Variants in UBE2F observed in about 807,000 individuals in gnomAD.
UBE2F encodes ubiquitin conjugating enzyme E2 F (putative), also known as NEDD8-conjugating enzyme UBE2F.
Under a neutral mutation model 29.6 loss-of-function variants are expected in UBE2F, and 5 were observed. The ratio of observed to expected loss-of-function variants is 0.17; its 90% CI spans 0.09 to 0.36. UBE2F has a LOEUF of 0.36. Ranked by LOEUF, UBE2F falls within the 10% of genes least tolerant of loss-of-function variation. The probability of loss-of-function intolerance (pLI) is 1.00; values close to 1 mark genes in which losing one functional copy is unlikely to be tolerated. For synonymous variants in UBE2F, 66 were observed against 81.8 expected, an observed-to-expected ratio of 0.81 and a Z score of 1.04; for missense variants, 141 against 228.5, an observed-to-expected ratio of 0.62 and a Z score of 2.47.
intron 4 of UBE2F, chr2:238,003,318 T>G (rs544858732): frequency 2.1e-6 from 1 of 470,206 alleles, no homozygotes; most frequent in Non-Finnish European, 4.4e-6. Flanking sequence ...AAGCATTCTC[T>G]TAACTTTCAT....
intron 8 of UBE2F, among the ~76,000 whole-genome samples, chr2:238,034,893 C>CT (rs1048105036): frequency 7.0e-4 from 102 of 145,068 alleles, no homozygotes; most frequent in South Asian, 6.6e-4. Context: ...CTGATTTTTT[C>CT]TTTTTTTTTT....
Position 237,982,015 on chromosome 2 carries a change from A to G in UBE2F, c.119-5948A>G, listed in dbSNP as rs2063389038. Among the ~76,000 whole-genome samples, 3 of 152,220 alleles carry G rather than the reference A, an allele frequency of 2.0e-5. No individual in the cohort carries two copies. The South Asian group carries it at 6.2e-4, about 32-fold the overall frequency. On this transcript the variant is annotated intron_variant, in intron 2 of 9. Coordinates refer to ENST00000272930, the MANE Select transcript of UBE2F (RefSeq NM_080678.3). This position sits in a 1 kb window ranked among gnomAD's most constrained non-coding sequence, Gnocchi z 4.1. ...GGGGCATTAGGAGTTTTAAAAGCTC[A>G]GCAGGTACTGGATTGTGGTAATGGA... is the stretch of plus-strand genomic sequence containing the variant.
chr2:238,022,030 C>T (rs1576630761), intron 5 of UBE2F, among the ~76,000 whole-genome samples: 1 of 152,204 alleles, frequency 6.6e-6, no homozygotes, highest in Admixed American at 6.5e-5. Context: ...TTGGCATCCT[C>T]ACCATCCATG....
At chr2:238,035,769 T>C in intron 8 of UBE2F, 109 bp from the exon 9 acceptor site, 1 of 782,208 alleles carries the variant, frequency 1.3e-6, no homozygotes, top group Non-Finnish European at 2.1e-6. Flanking sequence ...CTCTCCAGTT[T>C]GGTCTGCCAT....
In UBE2F at chr2:238,033,083, G is replaced by T. The variant is rs369443621; in HGVS notation, c.444+829G>T. Among the ~76,000 whole-genome samples, 156 of 152,344 alleles carry T rather than the reference G, an allele frequency of 1.0e-3. 1 individual carries two copies. The highest frequency in any genetic ancestry group is 3.7e-3 in the African/African-American group (155 of 41,582). ...CCTGTGGCTACACTAGCCAGCCCAG[G>T]GAGTGGCCCTGTCACCTCCCAGGTG... On this transcript the variant is annotated intron_variant, in intron 8 of 9. Coordinates refer to ENST00000272930, the MANE Select transcript of UBE2F (RefSeq NM_080678.3).
At chr2:238,032,362 C>A in intron 8 of UBE2F, 108 bp downstream of exon 8, 3 of 1,013,318 alleles carry the variant, frequency 3.0e-6, no homozygotes, top group Non-Finnish European at 4.5e-6. Context: ...AAAAATGAAA[C>A]ATGGACTGGG....
chr2:237,998,759 C>G (rs1000284078), intron 4 of UBE2F, among the ~76,000 whole-genome samples: 1 of 152,024 alleles, frequency 6.6e-6, no homozygotes, highest in Non-Finnish European at 1.5e-5. Context: ...ATACCCTGAC[C>G]AGCACTGTAT....
rs2064813672 is a variant in UBE2F at position 238,040,392 on chromosome 2, C to T, written c.508-896C>T. Among the ~76,000 whole-genome samples, 6 of 152,176 alleles carry T rather than the reference C, an allele frequency of 3.9e-5. No homozygotes were observed. Among genetic ancestry groups the T allele is most frequent in the Admixed American group, 3.9e-4 (6 of 15,270 alleles). On this transcript the variant is annotated intron_variant, in intron 9 of 9. Coordinates refer to ENST00000272930, the MANE Select transcript of UBE2F (RefSeq NM_080678.3). This position sits in a 1 kb window ranked among gnomAD's most constrained non-coding sequence, Gnocchi z 4.4. Reference sequence around the variant, plus strand: ...TTAGACTGAGGCTTAGACAGGAGGACTGAGGCTTAGCTAAGGAAATGGAGC... The same window carrying T: ...TTAGACTGAGGCTTAGACAGGAGGATTGAGGCTTAGCTAAGGAAATGGAGC...
intron 3 of UBE2F, among the ~76,000 whole-genome samples, chr2:237,991,008 T>G (rs913293966): frequency 3.9e-5 from 6 of 152,058 alleles, no homozygotes; most frequent in African/African-American, 1.2e-4. Flanking sequence ...AGATTGTTGG[T>G]TTTTAACCCA....
At chr2:237,972,167 C>T (rs74524922) in intron 1 of UBE2F, among the ~76,000 whole-genome samples, 2,592 of 152,278 alleles carry the variant, frequency 0.017, 70 homozygotes, top group African/African-American at 0.059. Flanking sequence ...ATAAATAAAA[C>T]ACAAATGTAA....
At chr2:238,031,443 C>T (rs936929416) in intron 7 of UBE2F, among the ~76,000 whole-genome samples, 2 of 152,212 alleles carry the variant, frequency 1.3e-5, no homozygotes, top group Non-Finnish European at 2.9e-5. Flanking sequence ...GAGGGCTCAC[C>T]TTCACCCACA....
At chr2:237,985,008 A>T (rs2063452716) in intron 2 of UBE2F, among the ~76,000 whole-genome samples, 1 of 151,730 alleles carries the variant, frequency 6.6e-6, no homozygotes, top group African/African-American at 2.4e-5. Context: ...AAAAAAAAAA[A>T]AAAAAATAGA....
At chr2:237,980,540 A>G (rs1318971847) in intron 2 of UBE2F, among the ~76,000 whole-genome samples, 1 of 152,070 alleles carries the variant, frequency 6.6e-6, no homozygotes, top group Admixed American at 6.5e-5. Flanking sequence ...ATCTAAACCT[A>G]ATTACCTCCA....
At chr2:238,030,683 C>T (rs896095832) in intron 7 of UBE2F, 70 bp downstream of exon 7, 19 of 1,197,312 alleles carry the variant, frequency 1.6e-5, no homozygotes, top group East Asian at 1.2e-4. Flanking sequence ...GCCAGCCTCC[C>T]GAGAAAGCAG....
chr2:238,009,610 G>A (rs918562023), intron 4 of UBE2F, among the ~76,000 whole-genome samples: 11 of 152,124 alleles, frequency 7.2e-5, no homozygotes, highest in African/African-American at 2.4e-4. Flanking sequence ...CTAAGTCTCA[G>A]CATCTCTATA....
chr2:237,976,499 T>TA (rs2063284592), intron 2 of UBE2F, among the ~76,000 whole-genome samples: 1 of 152,176 alleles, frequency 6.6e-6, no homozygotes, highest in African/African-American at 2.4e-5. Flanking sequence ...TTATAAACAA[T>TA]AGAGTTTTGG....
At chr2:237,975,983 G>A (rs566319495) in intron 2 of UBE2F, among the ~76,000 whole-genome samples, 1 of 152,128 alleles carries the variant, frequency 6.6e-6, no homozygotes, top group South Asian at 2.1e-4. Context: ...TTTGGACTTA[G>A]TTTTGGATTA....
rs1004226342 is a variant in UBE2F, at chr2:237,988,548, G to A, written c.148+556G>A. On this transcript the variant is annotated intron_variant, in intron 3 of 9. Coordinates refer to ENST00000272930, the MANE Select transcript of UBE2F (RefSeq NM_080678.3). ...TTAGAGTCGCTTGAACCCAAGAGGC[G>A]GAGGTTGCAGTGAGCCAAGATTGCG... Among the ~76,000 whole-genome samples the A allele has an allele frequency of 2.6e-5, 4 of 151,520 alleles. No individual in the cohort carries two copies. The South Asian group carries it at 6.3e-4, about 24-fold the overall frequency.
intron 2 of UBE2F, among the ~76,000 whole-genome samples, chr2:237,978,580 C>A (rs548897371): frequency 5.9e-5 from 9 of 152,318 alleles, no homozygotes; most frequent in African/African-American, 2.2e-4. Flanking sequence ...AAGGGCTCCC[C>A]GCTCAGCCAC....
Sources: gnomAD v4.1 joint callset for allele counts (sites outside exome capture counted in the v4.1 genomes callset) on GRCh38, gnomAD v4.1.1 for gene constraint, Gnocchi (gnomAD v3.1) non-coding constraint, MANE v1.5 for transcripts, NCBI Gene and HGNC (gene_info 2026-07-23, HGNC 2026-07-21) for gene names.